GLIS3: variants seen among roughly 807,000 people sequenced by gnomAD.
GLIS3 encodes the protein zinc finger protein GLIS3.
In GLIS3, 53 loss-of-function variants were observed where a neutral mutation model predicts 78.6. The ratio of observed to expected loss-of-function variants is 0.67; its 90% CI spans 0.54 to 0.85. The LOEUF is 0.85. Ranked by LOEUF, GLIS3 falls within the 40% of genes least tolerant of loss-of-function variation. The probability of loss-of-function intolerance (pLI) is 0.00; values close to 1 mark genes in which losing one functional copy is unlikely to be tolerated. For synonymous variants in GLIS3, 684 were observed against 509.9 expected (o/e 1.34, Z -4.60); for missense variants, 1,703 against 1,231.1 (o/e 1.38, Z -5.74).
At chr9:4,416,812 G>GTT in the GLIS3 span, among the ~76,000 whole-genome samples, 36,914 of 95,350 alleles carry the variant, frequency 0.39, 8,685 homozygotes, top group South Asian at 0.49. Context: ...CCCATAGTCA[G>GTT]TTTTTTTTTT....
the GLIS3 span, among the ~76,000 whole-genome samples, chr9:4,485,864 G>C: frequency 2.0e-5 from 3 of 152,036 alleles, no homozygotes; most frequent in East Asian, 5.8e-4. Context: ...TGGAATTATA[G>C]GTTCCTGCCA....
chr9:4,008,345 C>A (rs1389370210), intron 4 of GLIS3, among the ~76,000 whole-genome samples: 1 of 152,178 alleles, frequency 6.6e-6, no homozygotes, highest in Non-Finnish European at 1.5e-5. Flanking sequence ...CCATCAGCCC[C>A]CAGTAAGAAC....
the GLIS3 span, among the ~76,000 whole-genome samples, chr9:4,471,258 T>C: frequency 6.6e-6 from 1 of 152,136 alleles, no homozygotes; most frequent in Admixed American, 6.6e-5. Flanking sequence ...AAAACTACTT[T>C]AAAGTTCATA....
chr9:4,303,290 C>CACAT (rs1554654870), upstream of GLIS3, among the ~76,000 whole-genome samples: 500 of 151,554 alleles, frequency 3.3e-3, 2 homozygotes, highest in African/African-American at 0.011. Flanking sequence ...CACACACACA[C>CACAT]GAGCTGGCAA....
At chr9:4,478,526 G>A in the GLIS3 span, among the ~76,000 whole-genome samples, 4 of 151,798 alleles carry the variant, frequency 2.6e-5, no homozygotes, top group Admixed American at 6.6e-5. Flanking sequence ...CACGGAAATC[G>A]CTTGAACCCA....
At chr9:4,368,015 G>C in the GLIS3 span, among the ~76,000 whole-genome samples, 1 of 152,154 alleles carries the variant, frequency 6.6e-6, no homozygotes, top group Admixed American at 6.5e-5. Flanking sequence ...CAAAGCCCCT[G>C]GACTTTCTAC....
intron 2 of GLIS3, among the ~76,000 whole-genome samples, chr9:4,150,022 G>C (rs890109033): frequency 2.0e-5 from 3 of 150,748 alleles, no homozygotes; most frequent in African/African-American, 7.4e-5. Context: ...CATAATGCAC[G>C]TGCGGGTGCA....
chr9:4,280,609 T>G (rs1193786334), intron 2 of GLIS3, among the ~76,000 whole-genome samples: 2 of 152,076 alleles, frequency 1.3e-5, no homozygotes, highest in Non-Finnish European at 2.9e-5. Context: ...TGAATTGTAT[T>G]TAAGAAATAA....
chr9:4,131,376 A>G (rs970201009), intron 2 of GLIS3, among the ~76,000 whole-genome samples: 6 of 152,128 alleles, frequency 3.9e-5, no homozygotes, highest in African/African-American at 1.4e-4. Context: ...TATGCTTTGG[A>G]TCTGTGTCCC....
chr9:3,890,601 T>C (rs1219830453), intron 7 of GLIS3, among the ~76,000 whole-genome samples: 2 of 152,310 alleles, frequency 1.3e-5, no homozygotes, highest in African/African-American at 2.4e-5. Flanking sequence ...AGCAGTCCTA[T>C]GGAGTCAGTA....
intron 2 of GLIS3, among the ~76,000 whole-genome samples, chr9:4,323,460 A>T (rs1353670528): frequency 6.6e-6 from 1 of 152,120 alleles, no homozygotes; most frequent in Non-Finnish European, 1.5e-5. Context: ...AGCTGTGTGT[A>T]GCAGGGATTC....
intron 1 of GLIS3, among the ~76,000 whole-genome samples, chr9:4,292,836 T>G (rs762443972): frequency 6.6e-6 from 1 of 152,190 alleles, no homozygotes; most frequent in Non-Finnish European, 1.5e-5. Flanking sequence ...CTTTGAGAAC[T>G]GAGTCTTTCA....
At chr9:4,229,378 G>C (rs1426092241) in intron 2 of GLIS3, among the ~76,000 whole-genome samples, 1 of 152,198 alleles carries the variant, frequency 6.6e-6, no homozygotes, top group Non-Finnish European at 1.5e-5. Flanking sequence ...CATAAAGAAA[G>C]AATTGCAAGT....
intron 6 of GLIS3, 45 bp downstream of exon 6, chr9:3,932,315 T>C (rs953628986): frequency 6.9e-6 from 10 of 1,441,934 alleles, no homozygotes; most frequent in Non-Finnish European, 9.8e-6. Flanking sequence ...ACAAGAATAA[T>C]CTGAACATGC....
chr9:4,414,308 T>C, the GLIS3 span, among the ~76,000 whole-genome samples: 1 of 152,220 alleles, frequency 6.6e-6, no homozygotes, highest in Non-Finnish European at 1.5e-5. Flanking sequence ...AAAACATGTA[T>C]GGCCCAGAGG....
intron 7 of GLIS3, chr9:3,898,443 A>G: frequency 5.7e-6 from 3 of 526,174 alleles, no homozygotes; most frequent in South Asian, 4.0e-5. Context: ...GGTACACTGA[A>G]TTTCTGGCAG....
chr9:4,018,129 TAA>T (rs2130113228), intron 4 of GLIS3, among the ~76,000 whole-genome samples: 1 of 152,284 alleles, frequency 6.6e-6, no homozygotes, highest in East Asian at 1.9e-4. Context: ...ATCACAATTA[TAA>T]AGTCATCTGA....
chr9:4,083,927 G>C (rs1828773120), intron 4 of GLIS3, among the ~76,000 whole-genome samples: 1 of 152,132 alleles, frequency 6.6e-6, no homozygotes, highest in Non-Finnish European at 1.5e-5. Context: ...CATCTCTAGA[G>C]AAAGAAACTG....
intron 9 of GLIS3, among the ~76,000 whole-genome samples, chr9:3,830,438 A>G (rs1225564491): frequency 6.6e-6 from 1 of 152,196 alleles, no homozygotes; most frequent in African/African-American, 2.4e-5. Context: ...TTAACTCTCT[A>G]CATTTCCTTG....
Sources: allele counts gnomAD v4.1 joint callset (sites outside exome capture counted in the v4.1 genomes callset), GRCh38; gene constraint gnomAD v4.1.1; transcripts MANE v1.5; gene names NCBI Gene and HGNC (gene_info 2026-07-23, HGNC 2026-07-21).